The following IMPG2 variants were observed in gnomAD, a reference collection of about 807,000 sequenced individuals.
IMPG2 encodes interphotoreceptor matrix proteoglycan 2.
A neutral mutation model predicts 129.2 loss-of-function variants in IMPG2; 91 were observed. The observed-to-expected ratio is 0.70, with a 90% CI of 0.59 to 0.84. The LOEUF (loss-of-function observed/expected upper bound fraction) is 0.84, where lower values mean the gene tolerates loss of function less well. IMPG2 is among the 40% of genes least tolerant of loss of function. The pLI is 0.00. For missense variants in IMPG2, 1,430 were observed against 1,461.7 expected, an observed-to-expected ratio of 0.98 and a Z score of 0.35; for synonymous variants, 510 against 517.7, an observed-to-expected ratio of 0.99 and a Z score of 0.20.
At chr3:101,254,491 G>A (rs1170444571) in intron 10 of IMPG2, among the ~76,000 whole-genome samples, 7 of 152,144 alleles carry the variant, frequency 4.6e-5, no homozygotes, top group East Asian at 3.9e-4. Context: ...TTTTGCCCAC[G>A]GGGGAGAGGG....
intron 4 of IMPG2, among the ~76,000 whole-genome samples, chr3:101,279,791 C>A (rs140618728): frequency 4.8e-4 from 73 of 152,298 alleles, no homozygotes; most frequent in African/African-American, 1.7e-3. Flanking sequence ...TTTCACCTTG[C>A]TGAATTCAAA....
rs11393591 is a variant in IMPG2 at position 101,249,794 on chromosome 3, C to CAA, written c.1240-3691_1240-3690dup. ...ATATGACATGTTTCATGATTCATGT[C>CAA]AAAAAAAAAAAAAAAAGATCTAATT... On this transcript the variant is annotated intron_variant, in intron 11 of 18. Coordinates refer to ENST00000193391, the MANE Select transcript of IMPG2 (RefSeq NM_016247.4). Among the ~76,000 whole-genome samples the CAA allele has an allele frequency of 4.1e-3, 377 of 92,722 alleles. 3 individuals carry two copies. The Middle Eastern group carries it at 0.042, about 10-fold the overall frequency. 60.8% of individuals were successfully genotyped at this position (92,722 alleles called of 152,430 possible). A position where few individuals can be genotyped will look rare whatever the true frequency, so the allele number is the denominator to read the frequency against.
At chr3:101,279,670 C>T (rs1363392705) in intron 4 of IMPG2, among the ~76,000 whole-genome samples, 1 of 152,182 alleles carries the variant, frequency 6.6e-6, no homozygotes, top group East Asian at 1.9e-4. Flanking sequence ...GCAGAGAAAC[C>T]GGACTTCACC....
chr3:101,267,138 A>C (rs1005766878), intron 9 of IMPG2, among the ~76,000 whole-genome samples: 5 of 152,234 alleles, frequency 3.3e-5, no homozygotes, highest in Non-Finnish European at 5.9e-5. Flanking sequence ...ACTGAATATT[A>C]CATTTTTTAA....
chr3:101,300,916 C>T (rs1456593347), intron 3 of IMPG2, among the ~76,000 whole-genome samples: 2 of 152,236 alleles, frequency 1.3e-5, no homozygotes, highest in African/African-American at 2.4e-5. Flanking sequence ...ACATACTTTC[C>T]TCACTATACT....
chr3:101,273,708 G>T lies in IMPG2; in HGVS notation c.701C>A (p.Ala234Asp), dbSNP rs2107251167. 6.2e-7 allele frequency: 1 copy of T among 1,614,024 alleles called. No individual in the cohort carries two copies. The highest frequency in any genetic ancestry group is 1.1e-5 in the South Asian group (1 of 91,078). The change falls in exon 7 of 19, where the codon GCC becomes GAC. Residue 234 changes from alanine to aspartate, a missense_variant. Physicochemically the swap from Ala to Asp is moderately radical, Grantham distance 126. Coordinates refer to ENST00000193391, the MANE Select transcript of IMPG2 (RefSeq NM_016247.4). ...AATCTGTTCACCTGCTGGTTTTGTG[G>T]CTTCTTCTATCACATTCTCAATTTC... The part of the protein sequence containing the change: ...SNEIENVIEE[A>D]TKPAGEQIAE...
At position 101,275,718 on chromosome 3, in the gene IMPG2, T is replaced by G; in HGVS notation, c.611A>C (p.Glu204Ala). 1 of 1,613,932 alleles carries G rather than the reference T, an allele frequency of 6.2e-7. No homozygotes were observed. The highest frequency in any genetic ancestry group is 1.1e-5 in the South Asian group (1 of 91,084). ...TGAGGCACCTTCATAGGCGTCCACC[T>G]CTGGATGTGGAACACTGAGAGTAGT... is the stretch of plus-strand genomic sequence containing the variant. ...GDTTLSVPHP[E>A]VDAYEGASES... The change falls in exon 6 of 19, where the codon GAG (glutamate) becomes GCG (alanine). Residue 204 changes from glutamate (E) to alanine (A), a missense_variant. By Grantham distance (107) the Glu-to-Ala change is moderately radical (BLOSUM62 -1). Transcript: ENST00000193391.
At chr3:101,309,111 C>G (rs1184607598) in intron 2 of IMPG2, among the ~76,000 whole-genome samples, 1 of 152,230 alleles carries the variant, frequency 6.6e-6, no homozygotes, top group Non-Finnish European at 1.5e-5. Flanking sequence ...GTCCATATCA[C>G]TATCAGCATT....
chr3:101,242,667 C>A, intron 14 of IMPG2, 21 bp downstream of exon 14: 1 of 1,538,722 alleles, frequency 6.5e-7, no homozygotes, highest in South Asian at 1.1e-5. Context: ...TAAGAAACCA[C>A]CATGCTAGGC....
At chr3:101,286,889 GA>G (rs1706951312) in intron 4 of IMPG2, among the ~76,000 whole-genome samples, 1 of 152,134 alleles carries the variant, frequency 6.6e-6, no homozygotes, top group Non-Finnish European at 1.5e-5. Flanking sequence ...CAGCTCCAGA[GA>G]AAACCCATTA....
Position 101,232,892 on chromosome 3 carries a change from C to A in IMPG2, c.3122G>T (p.Gly1041Val), listed in dbSNP as rs1321088046. ...GGGCCGTTCTTCCACACTCAGGTATCCAGGGAAGCATCTGCACTTTGCTTC... is the reference window on the plus strand; with the variant it reads ...GGGCCGTTCTTCCACACTCAGGTATACAGGGAAGCATCTGCACTTTGCTTC... ...SGEAKCRCFP[G>V]YLSVEERPCQ... is the part of the protein sequence containing the mutation. Residue 1041 changes from glycine (G) to valine (V), a missense_variant, in exon 15 of 19, where the codon GGA (glycine) becomes GTA (valine). Physicochemically the swap from Gly to Val is moderately radical, Grantham distance 109. Coordinates refer to ENST00000193391, the MANE Select transcript of IMPG2 (RefSeq NM_016247.4). The A allele has an allele frequency of 6.2e-7, 1 of 1,613,744 alleles. No homozygotes were observed.
At chr3:101,246,227 T>C (rs1706476970) in intron 11 of IMPG2, 122 bp from the exon 12 acceptor site, 4 of 868,542 alleles carry the variant, frequency 4.6e-6, no homozygotes, top group Admixed American at 2.7e-5. Context: ...GGTGTATTAA[T>C]AATATTAGGA....
At chr3:101,232,217 A>ATT (rs1407675744) in intron 15 of IMPG2, among the ~76,000 whole-genome samples, 1 of 86,654 alleles carries the variant, frequency 1.2e-5, no homozygotes, top group African/African-American at 4.2e-5. Flanking sequence ...TCTCAGTAGG[A>ATT]TTTTTATTTT....
Position 101,270,753 on chromosome 3 carries a change from T to C in IMPG2, c.829-1180A>G, listed in dbSNP as rs562417767. 2.0e-5 allele frequency among the ~76,000 whole-genome samples: 3 copies of C among 152,060 alleles called. No homozygotes were observed. In the South Asian group the frequency reaches 6.2e-4, roughly 32 times the overall value. On this transcript the variant is annotated intron_variant, in intron 7 of 18. Coordinates refer to ENST00000193391, the MANE Select transcript of IMPG2 (RefSeq NM_016247.4). ...AGGCGGAGCTTGCAGTGAGCCGAGATCGCGCCACTGCACTCCAGCCTGGGC... is the reference window on the plus strand; with the variant it reads ...AGGCGGAGCTTGCAGTGAGCCGAGACCGCGCCACTGCACTCCAGCCTGGGC...
In IMPG2 at chr3:101,275,618, A is replaced by G. The variant is rs189623852; in HGVS notation, c.666+45T>C. ...GGAGATAAACTCTCTCTTAATCTCT[A>G]TGTTCCATGTTAGAAACTAACTAAC... On this transcript the variant is annotated intron_variant, in intron 6 of 18. Coordinates refer to ENST00000193391, the MANE Select transcript of IMPG2 (RefSeq NM_016247.4). 188 of 1,350,260 alleles carry G rather than the reference A, an allele frequency of 1.4e-4. No individual in the cohort carries two copies. In the African/African-American group the frequency reaches 2.5e-3, roughly 18 times the overall value. 83.6% of individuals were successfully genotyped at this position (1,350,260 alleles called of 1,614,324 possible). A position where few individuals can be genotyped will look rare whatever the true frequency, so the allele number is the denominator to read the frequency against.
At chr3:101,308,124 C>A (rs1269231238) in intron 2 of IMPG2, among the ~76,000 whole-genome samples, 1 of 152,212 alleles carries the variant, frequency 6.6e-6, no homozygotes, top group East Asian at 1.9e-4. Context: ...CAGGGTACAG[C>A]CCGCCTCCCA....
intron 2 of IMPG2, among the ~76,000 whole-genome samples, chr3:101,306,211 G>A (rs969864684): frequency 2.0e-4 from 30 of 152,186 alleles, no homozygotes; most frequent in African/African-American, 6.8e-4. Flanking sequence ...AAATTGCAAA[G>A]TGCTACATGA....
intron 7 of IMPG2, among the ~76,000 whole-genome samples, chr3:101,270,527 T>C (rs1454480757): frequency 1.3e-5 from 2 of 152,080 alleles, no homozygotes; most frequent in African/African-American, 4.8e-5. Flanking sequence ...TGGAAAATAG[T>C]ATGCCAGATT....
chr3:101,319,501 T>C (rs764158693), intron 2 of IMPG2, 83 bp downstream of exon 2: 67 of 1,534,498 alleles, frequency 4.4e-5, no homozygotes, highest in Non-Finnish European at 6.0e-5. Flanking sequence ...TATCGTAAAT[T>C]TTGATTTACA....
Sources: gnomAD v4.1 joint callset for allele counts (sites outside exome capture counted in the v4.1 genomes callset) on GRCh38, gnomAD v4.1.1 for gene constraint, MANE v1.5 for transcripts, NCBI Gene and HGNC (gene_info 2026-07-23, HGNC 2026-07-21) for gene names.